Variants in SPAG16 observed in about 807,000 individuals in gnomAD.
SPAG16 encodes sperm associated antigen 16, also known as sperm-associated antigen 16 protein.
A neutral mutation model predicts 80.4 loss-of-function variants in SPAG16; 86 were observed. The observed-to-expected ratio is 1.07, with a 90% confidence interval of 0.90 to 1.28. The LOEUF (loss-of-function observed/expected upper bound fraction) is 1.28. Among genes scored for constraint, SPAG16 ranks in the 50% most tolerant of loss-of-function variants. The pLI, the probability that SPAG16 is intolerant of heterozygous loss-of-function variation, is 0.00. For missense variants in SPAG16, 870 were observed against 765.3 expected (o/e 1.14, Z -1.61); for synonymous variants, 294 against 265.9 (o/e 1.11, Z -1.03).
intron 15 of SPAG16, among the ~76,000 whole-genome samples, chr2:214,193,428 A>ATAT (rs56312142): frequency 2.3e-5 from 2 of 88,368 alleles, no homozygotes; most frequent in South Asian, 8.6e-4. Flanking sequence ...TGTGTGTATG[A>ATAT]GAGAGAGAGA....
chr2:213,725,754 G>T (rs1401738958), intron 10 of SPAG16, among the ~76,000 whole-genome samples: 1 of 152,216 alleles, frequency 6.6e-6, no homozygotes, highest in Non-Finnish European at 1.5e-5. Context: ...CAGGGCCAAA[G>T]CTAGTTTCTA....
At chr2:213,479,862 AG>A (rs1430234446) in intron 9 of SPAG16, among the ~76,000 whole-genome samples, 2 of 152,218 alleles carry the variant, frequency 1.3e-5, no homozygotes, top group Non-Finnish European at 1.5e-5. Flanking sequence ...AGATCAAGAA[AG>A]TTATATGTTT....
At chr2:213,357,049 T>C (rs2065697281) in intron 7 of SPAG16, among the ~76,000 whole-genome samples, 1 of 152,174 alleles carries the variant, frequency 6.6e-6, no homozygotes, top group Admixed American at 6.5e-5. Flanking sequence ...TTCCATGTAG[T>C]TGTGTGGTTT....
In SPAG16 at chr2:213,604,180, C is replaced by A. The variant is rs528959741; in HGVS notation, c.1070+114090C>A. ...GTGCTGGGATTACAGGCATGAGCCA[C>A]CGTGCCCTGCCTGACTTCCTGTTTA... On this transcript the variant is annotated intron_variant, in intron 10 of 15. Transcript: ENST00000331683. Among the ~76,000 whole-genome samples, 7 of 152,336 alleles carry A rather than the reference C, an allele frequency of 4.6e-5. No individual in the cohort carries two copies. The East Asian group carries it at 1.2e-3, about 25-fold the overall frequency.
At chr2:214,348,652 CCAGCCATCCCCA>C (rs1429851851) in intron 15 of SPAG16, among the ~76,000 whole-genome samples, 4 of 152,156 alleles carry the variant, frequency 2.6e-5, no homozygotes, top group South Asian at 4.1e-4. Context: ...GCTTAGCCTT[CCAGCCATCCCCA>C]ACAAGGTGAC....
intron 7 of SPAG16, among the ~76,000 whole-genome samples, chr2:213,358,108 G>C (rs1389328109): frequency 6.6e-6 from 1 of 152,150 alleles, no homozygotes; most frequent in Non-Finnish European, 1.5e-5. Flanking sequence ...GGCTTGTAGG[G>C]TTTCTGCCGA....
chr2:213,654,682 A>C (rs1278005435), intron 10 of SPAG16, among the ~76,000 whole-genome samples: 1 of 151,496 alleles, frequency 6.6e-6, no homozygotes, highest in Non-Finnish European at 1.5e-5. Context: ...GCGCCACTGC[A>C]CTCCACCCTG....
intron 11 of SPAG16, among the ~76,000 whole-genome samples, chr2:213,920,389 C>G (rs1285838134): frequency 6.6e-6 from 1 of 152,128 alleles, no homozygotes; most frequent in East Asian, 1.9e-4. Context: ...GGTCTGTATA[C>G]TGGCAGGTTA....
intron 15 of SPAG16, among the ~76,000 whole-genome samples, chr2:214,370,104 G>A (rs1003703191): frequency 9.2e-5 from 14 of 151,946 alleles, no homozygotes; most frequent in African/African-American, 3.4e-4. Flanking sequence ...TCTTCCCATG[G>A]TGTCTATAAT....
At chr2:213,318,502 G>C (rs1368016154) in intron 5 of SPAG16, among the ~76,000 whole-genome samples, 1 of 151,930 alleles carries the variant, frequency 6.6e-6, no homozygotes, top group East Asian at 1.9e-4. Context: ...GACTTTAAAA[G>C]GTGGGAGAGT....
intron 3 of SPAG16, among the ~76,000 whole-genome samples, chr2:213,306,154 C>T (rs1172586955): frequency 1.3e-5 from 2 of 151,696 alleles, no homozygotes; most frequent in Admixed American, 6.6e-5. Flanking sequence ...TCCAATGATC[C>T]TTTAAAATTT....
At chr2:213,549,871 CT>C in intron 10 of SPAG16, among the ~76,000 whole-genome samples, 1 of 152,076 alleles carries the variant, frequency 6.6e-6, no homozygotes, top group East Asian at 1.9e-4. Flanking sequence ...AAAATTTGTG[CT>C]TTACTTGGAT....
chr2:213,554,034 C>T (rs1409781179), intron 10 of SPAG16, among the ~76,000 whole-genome samples: 1 of 152,184 alleles, frequency 6.6e-6, no homozygotes. Flanking sequence ...GGCCTAACCT[C>T]ACCTCTCTGG....
intron 1 of SPAG16, among the ~76,000 whole-genome samples, chr2:213,292,988 C>T (rs117687669): frequency 6.6e-6 from 1 of 152,308 alleles, no homozygotes; most frequent in East Asian, 1.9e-4. Flanking sequence ...TGGTTTGGCT[C>T]TGTGTCCCCA....
chr2:213,602,627 C>A (rs1462483063), intron 10 of SPAG16, among the ~76,000 whole-genome samples: 1 of 152,176 alleles, frequency 6.6e-6, no homozygotes, highest in Non-Finnish European at 1.5e-5. Context: ...AGCGAGACTC[C>A]GTCTCACAAA....
At chr2:213,884,188 A>T (rs2076465030) in intron 11 of SPAG16, among the ~76,000 whole-genome samples, 1 of 152,174 alleles carries the variant, frequency 6.6e-6, no homozygotes, top group Non-Finnish European at 1.5e-5. Context: ...AGAACCTCTT[A>T]CAAGGCTGAT....
intron 10 of SPAG16, among the ~76,000 whole-genome samples, chr2:213,699,402 G>C (rs997227231): frequency 6.6e-6 from 1 of 152,100 alleles, no homozygotes; most frequent in Non-Finnish European, 1.5e-5. Context: ...GTAAAGATGG[G>C]AAGAAAATGA....
At chr2:213,411,234 T>C (rs1163110418) in intron 9 of SPAG16, among the ~76,000 whole-genome samples, 1 of 152,144 alleles carries the variant, frequency 6.6e-6, no homozygotes, top group Non-Finnish European at 1.5e-5. Flanking sequence ...CCCTTATAGG[T>C]CTTTCGACTC....
intron 10 of SPAG16, among the ~76,000 whole-genome samples, chr2:213,813,638 A>G (rs2072322772): frequency 6.6e-6 from 1 of 152,214 alleles, no homozygotes; most frequent in South Asian, 2.1e-4. Context: ...AAGAGGAGCA[A>G]GAAACATGCC....
Sources: allele counts gnomAD v4.1 joint callset (sites outside exome capture counted in the v4.1 genomes callset), GRCh38; gene constraint gnomAD v4.1.1; transcripts MANE v1.5; gene names NCBI Gene and HGNC (gene_info 2026-07-23, HGNC 2026-07-21).